Variants in PTPRT observed in about 807,000 individuals in gnomAD.
The protein encoded by PTPRT is receptor-type tyrosine-protein phosphatase T.
Under a neutral mutation model 176.8 loss-of-function variants are expected in PTPRT, and 56 were observed. That is an observed-to-expected ratio of 0.32 (90% CI 0.26 to 0.40). The LOEUF is 0.40. Ranked by LOEUF, PTPRT falls within the 10% of genes least tolerant of loss-of-function variation. The probability of loss-of-function intolerance (pLI) is 1.00; values close to 1 mark genes in which losing one functional copy is unlikely to be tolerated. For missense variants in PTPRT, 1,540 were observed against 1,908.2 expected (o/e 0.81, Z 3.60); for synonymous variants, 783 against 739.0 (o/e 1.06, Z -0.96).
intron 16 of PTPRT, among the ~76,000 whole-genome samples, chr20:42,185,590 A>G (rs924360847): frequency 2.0e-5 from 3 of 152,226 alleles, no homozygotes; most frequent in East Asian, 1.9e-4. Context: ...CTGGCAAAGC[A>G]TCATCCCTTG....
In PTPRT at chr20:42,079,788, G is replaced by C. The variant is rs1018746880; in HGVS notation, c.*1091C>G. On this transcript the variant is annotated 3_prime_UTR_variant, in exon 31 of 31. Coordinates refer to ENST00000373187, the MANE Select transcript of PTPRT (RefSeq NM_007050.6). ...TGCTCTATTTGCCCCAGAAACCAAA[G>C]GGACCATCTTCAGGCTCACCCATCT... 10 of 229,878 alleles carry C rather than the reference G, an allele frequency of 4.4e-5. No homozygotes were observed. Among genetic ancestry groups the C allele is most frequent in the African/African-American group, 2.2e-4 (10 of 45,130 alleles). 14.2% of individuals were successfully genotyped at this position (229,878 alleles called of 1,614,324 possible).
chr20:42,564,720 C>T (rs780123950), intron 7 of PTPRT, among the ~76,000 whole-genome samples: 17 of 152,036 alleles, frequency 1.1e-4, no homozygotes, highest in Non-Finnish European at 2.1e-4. Flanking sequence ...AACAAACCTG[C>T]ACGTTCTGCA....
At chr20:42,577,742 C>T (rs566885784) in intron 7 of PTPRT, among the ~76,000 whole-genome samples, 15 of 151,358 alleles carry the variant, frequency 9.9e-5, no homozygotes, top group Non-Finnish European at 2.1e-4. Context: ...GTGTGTGTCT[C>T]AAATTAAAAA....
chr20:42,347,124 T>C (rs2058206151), intron 11 of PTPRT, among the ~76,000 whole-genome samples: 1 of 152,218 alleles, frequency 6.6e-6, no homozygotes, highest in Non-Finnish European at 1.5e-5. Flanking sequence ...GTTAACATCT[T>C]AGACTTCAGT....
chr20:42,822,135 T>A (rs1470957467), intron 2 of PTPRT, among the ~76,000 whole-genome samples: 2 of 152,120 alleles, frequency 1.3e-5, no homozygotes, highest in Non-Finnish European at 2.9e-5. Context: ...GGCATCAAAC[T>A]ACTTGACTTT....
At chr20:42,233,023 G>A (rs1298996119) in intron 15 of PTPRT, among the ~76,000 whole-genome samples, 1 of 152,044 alleles carries the variant, frequency 6.6e-6, no homozygotes, top group African/African-American at 2.4e-5. Context: ...CTTCTCTTGG[G>A]CCTTACGCTT....
At chr20:42,182,098 A>C (rs1889136448) in intron 16 of PTPRT, among the ~76,000 whole-genome samples, 1 of 152,184 alleles carries the variant, frequency 6.6e-6, no homozygotes, top group South Asian at 2.1e-4. Flanking sequence ...AATAGGAAGG[A>C]GGTCAATATG....
At chr20:42,228,661 T>C (rs568961758) in intron 15 of PTPRT, among the ~76,000 whole-genome samples, 2 of 152,308 alleles carry the variant, frequency 1.3e-5, no homozygotes, top group South Asian at 2.1e-4. Context: ...TTCTAGAGAA[T>C]AGAATAATAT....
chr20:42,681,936 A>T (rs1419743983), intron 6 of PTPRT, among the ~76,000 whole-genome samples: 1 of 152,232 alleles, frequency 6.6e-6, no homozygotes, highest in Non-Finnish European at 1.5e-5. Context: ...AAAATAAAAG[A>T]ATGCATGATG....
the PTPRT span, among the ~76,000 whole-genome samples, chr20:42,066,450 G>T: frequency 1.8e-4 from 27 of 151,984 alleles, no homozygotes; most frequent in East Asian, 3.9e-4. Flanking sequence ...GGTTGTAGGG[G>T]TTTTTTTGGT....
intron 1 of PTPRT, among the ~76,000 whole-genome samples, chr20:42,947,943 A>G (rs1980991190): frequency 6.6e-6 from 1 of 152,176 alleles, no homozygotes; most frequent in Admixed American, 6.5e-5. Context: ...CTAGTACTAG[A>G]ACAGTGCCTG....
intron 7 of PTPRT, among the ~76,000 whole-genome samples, chr20:42,502,888 C>A (rs911051875): frequency 1.3e-5 from 2 of 152,008 alleles, no homozygotes; most frequent in African/African-American, 4.8e-5. Context: ...AACTGCTTAT[C>A]CAAGTGGTTG....
At chr20:42,363,300 ATTT>A (rs879370769) in intron 9 of PTPRT, among the ~76,000 whole-genome samples, 37 of 30,502 alleles carry the variant, frequency 1.2e-3, no homozygotes, top group African/African-American at 3.4e-3. Flanking sequence ...ATATATATAT[ATTT>A]TTTTTTTTTT....
intron 7 of PTPRT, among the ~76,000 whole-genome samples, chr20:42,640,732 T>C (rs2074726628): frequency 6.6e-6 from 1 of 152,002 alleles, no homozygotes; most frequent in African/African-American, 2.4e-5. Flanking sequence ...TGTCTAGAGA[T>C]GTTTGAAATT....
Position 42,352,075 on chromosome 20 carries a change from CA to C in PTPRT, c.1762+8del, listed in dbSNP as rs2058292422. 6.2e-7 allele frequency: 1 copy of C among 1,611,618 alleles called. No homozygotes were observed. The highest frequency in any genetic ancestry group is 1.7e-5 in the Admixed American group (1 of 59,810). The stretch of plus-strand genomic sequence containing the variant: ...ACCTTTTTTCCTTTTTCCTTTCTAG[CA>C]GAGATACCTGAAATTTTGGTGGCAA... On this transcript the variant is annotated splice_region_variant and intron_variant, in intron 10 of 30. Transcript: ENST00000373187.
chr20:42,879,253 C>A lies in PTPRT; in HGVS notation c.214+6554G>T, dbSNP rs111486865. On this transcript the variant is annotated intron_variant, in intron 2 of 30. Coordinates refer to ENST00000373187, the MANE Select transcript of PTPRT (RefSeq NM_007050.6). ...GTTCTGGAAGCTAGAAGTCCAAAAT[C>A]AGGGTATTGGCAGGGCCACGTTGTC... is the stretch of plus-strand genomic sequence containing the variant. Among the ~76,000 whole-genome samples the A allele has an allele frequency of 4.7e-3, 713 of 152,214 alleles. 6 individuals are homozygous for A. Among genetic ancestry groups the A allele is most frequent in the African/African-American group, 0.016 (677 of 41,524 alleles).
intron 17 of PTPRT, among the ~76,000 whole-genome samples, chr20:42,147,134 T>A (rs889247444): frequency 1.3e-5 from 2 of 152,224 alleles, no homozygotes; most frequent in Non-Finnish European, 2.9e-5. Context: ...AAGGGTAGCA[T>A]CTTTGTCACG....
intron 7 of PTPRT, among the ~76,000 whole-genome samples, chr20:42,614,936 T>C (rs1241462576): frequency 7.1e-6 from 1 of 140,354 alleles, no homozygotes; most frequent in Non-Finnish European, 1.5e-5. Flanking sequence ...TTTTTTTTTC[T>C]ATTTTTTTTT....
Position 42,499,605 on chromosome 20 carries a change from A to G in PTPRT, c.1154-27043T>C, listed in dbSNP as rs531694449. Among the ~76,000 whole-genome samples the G allele has an allele frequency of 2.0e-5, 3 of 152,248 alleles. No homozygotes were observed. In the East Asian group the frequency reaches 5.8e-4, roughly 29 times the overall value. On this transcript the variant is annotated intron_variant, in intron 7 of 30. Coordinates refer to ENST00000373187, the MANE Select transcript of PTPRT (RefSeq NM_007050.6). ...ATGCCTGGCCAATTTTAACTTTTTA[A>G]TAACAGATTTTAGAATATTTTATGG...
Sources: gnomAD v4.1 joint callset for allele counts (sites outside exome capture counted in the v4.1 genomes callset) on GRCh38, gnomAD v4.1.1 for gene constraint, MANE v1.5 for transcripts, NCBI Gene and HGNC (gene_info 2026-07-23, HGNC 2026-07-21) for gene names.